RBFOX2: variants seen among roughly 807,000 people sequenced by gnomAD.
The protein encoded by RBFOX2 is RNA binding protein fox-1 homolog 2.
RBFOX2 carries 10 observed loss-of-function variants against 49.1 expected under a neutral mutation model. The observed-to-expected ratio is 0.20, with a 90% confidence interval of 0.13 to 0.35. The LOEUF is 0.35. RBFOX2 is among the 10% of genes least tolerant of loss of function. RBFOX2 has a pLI of 1.00. For synonymous variants in RBFOX2, 183 were observed against 187.4 expected, an observed-to-expected ratio of 0.98 and a Z score of 0.19; for missense variants, 323 against 486.9, an observed-to-expected ratio of 0.66 and a Z score of 3.17.
chr22:35,958,519 C>G (rs974698323), intron 1 of RBFOX2, among the ~76,000 whole-genome samples: 1 of 152,200 alleles, frequency 6.6e-6, no homozygotes, highest in African/African-American at 2.4e-5. Context: ...CAATGCCCTA[C>G]TGGCTACAAC....
chr22:35,833,420 C>A (rs1350962772), intron 1 of RBFOX2, among the ~76,000 whole-genome samples: 1 of 152,112 alleles, frequency 6.6e-6, no homozygotes, highest in African/African-American at 2.4e-5. Flanking sequence ...CTTATCATGG[C>A]CAACAATGGA....
chr22:35,942,556 T>C (rs1603451519), upstream of RBFOX2, among the ~76,000 whole-genome samples: 1 of 152,012 alleles, frequency 6.6e-6, no homozygotes, highest in Admixed American at 6.6e-5. Context: ...CCTGCAAGGT[T>C]TTTAAAATAA....
chr22:35,817,104 G>T (rs1487469779), intron 1 of RBFOX2, among the ~76,000 whole-genome samples: 1 of 152,092 alleles, frequency 6.6e-6, no homozygotes, highest in Non-Finnish European at 1.5e-5. Context: ...AAATGGGAGA[G>T]AATTATGGTT....
chr22:35,806,928 T>TG (rs1386587656), intron 2 of RBFOX2, among the ~76,000 whole-genome samples: 1 of 152,092 alleles, frequency 6.6e-6, no homozygotes, highest in African/African-American at 2.4e-5. Context: ...CCTCAGCCTC[T>TG]GAGTAGCTGG....
intron 2 of RBFOX2, among the ~76,000 whole-genome samples, chr22:35,805,885 T>C (rs1175709821): frequency 6.6e-6 from 1 of 152,174 alleles, no homozygotes; most frequent in Non-Finnish European, 1.5e-5. Flanking sequence ...AGAAAAAAGC[T>C]ACATACTGTG....
intron 1 of RBFOX2, among the ~76,000 whole-genome samples, chr22:35,960,653 T>C (rs1365120313): frequency 1.3e-5 from 2 of 152,262 alleles, no homozygotes; most frequent in East Asian, 3.9e-4. Context: ...CCTAAACCCA[T>C]GACTTTAAGT....
intron 5 of RBFOX2, among the ~76,000 whole-genome samples, chr22:35,767,222 G>A (rs1941265256): frequency 6.6e-6 from 1 of 152,080 alleles, no homozygotes. Context: ...AAAATAAAAG[G>A]GGGAAAGGAA....
chr22:35,925,970 T>TC (rs1379676946), intron 1 of RBFOX2, among the ~76,000 whole-genome samples: 1 of 152,216 alleles, frequency 6.6e-6, no homozygotes, highest in Non-Finnish European at 1.5e-5. Context: ...CCTGTTGTAT[T>TC]CCCCTGTCTC....
intron 1 of RBFOX2, among the ~76,000 whole-genome samples, chr22:35,991,923 T>C (rs113125344): frequency 2.6e-5 from 4 of 152,332 alleles, no homozygotes; most frequent in African/African-American, 4.8e-5. Context: ...ACCTAATATA[T>C]GTAACCACTC....
At chr22:35,833,038 A>G (rs1466323245) in intron 1 of RBFOX2, among the ~76,000 whole-genome samples, 5 of 152,234 alleles carry the variant, frequency 3.3e-5, no homozygotes, top group Non-Finnish European at 7.3e-5. Context: ...ATGTATCAAA[A>G]TATCATATGT....
chr22:36,027,939 G>A (rs2059510248), intron 1 of RBFOX2, among the ~76,000 whole-genome samples: 2 of 151,940 alleles, frequency 1.3e-5, no homozygotes, highest in East Asian at 1.9e-4. Context: ...AGGCACTAAG[G>A]AAGGATTTGA....
chr22:35,900,139 A>G (rs2048388315), intron 1 of RBFOX2, among the ~76,000 whole-genome samples: 1 of 152,118 alleles, frequency 6.6e-6, no homozygotes, highest in Admixed American at 6.6e-5. Context: ...TTTGAGATGG[A>G]GTCTCACTCT....
intron 1 of RBFOX2, among the ~76,000 whole-genome samples, chr22:35,827,353 C>A (rs1299683854): frequency 6.6e-6 from 1 of 152,188 alleles, no homozygotes; most frequent in Non-Finnish European, 1.5e-5. Flanking sequence ...GATGCTTCTC[C>A]TTTTCCGCAA....
exon 1 of RBFOX2, chr22:35,840,297 T>TGG (rs1958508367): frequency 1.8e-6 from 2 of 1,090,470 alleles, no homozygotes; most frequent in Admixed American, 3.5e-5. Flanking sequence ...TCCACCCCCC[T>TGG]CCCCCCCCAA....
At chr22:35,833,148 A>G (rs1193864016) in intron 1 of RBFOX2, among the ~76,000 whole-genome samples, 1 of 152,244 alleles carries the variant, frequency 6.6e-6, no homozygotes, top group Non-Finnish European at 1.5e-5. Flanking sequence ...AATCATTCAT[A>G]TAAATTAATG....
chr22:35,953,055 C>CA (rs1241337106), intron 1 of RBFOX2, among the ~76,000 whole-genome samples: 4 of 151,334 alleles, frequency 2.6e-5, no homozygotes, highest in African/African-American at 4.9e-5. Context: ...ACTAAAAATA[C>CA]AAAAAATTAG....
At chr22:35,847,368 A>T (rs111867461) in intron 1 of RBFOX2, among the ~76,000 whole-genome samples, 13 of 152,334 alleles carry the variant, frequency 8.5e-5, no homozygotes, top group South Asian at 4.1e-4. Context: ...TTAAAAATAG[A>T]TGTAAAACCT....
At chr22:35,825,438 A>G (rs1326647446) in intron 1 of RBFOX2, among the ~76,000 whole-genome samples, 1 of 152,062 alleles carries the variant, frequency 6.6e-6, no homozygotes, top group Non-Finnish European at 1.5e-5. Flanking sequence ...AAAAAAAAAA[A>G]AAAGAAAAAG....
intron 1 of RBFOX2, among the ~76,000 whole-genome samples, chr22:35,986,262 C>A (rs964686478): frequency 2.0e-5 from 3 of 152,106 alleles, no homozygotes; most frequent in Admixed American, 1.3e-4. Flanking sequence ...TGGCAAGATG[C>A]CCCAAAGACA....
Sources: allele counts gnomAD v4.1 joint callset (sites outside exome capture counted in the v4.1 genomes callset), GRCh38; gene constraint gnomAD v4.1.1; transcripts MANE v1.5; gene names NCBI Gene and HGNC (gene_info 2026-07-23, HGNC 2026-07-21).